Variants in AGBL1 observed in about 807,000 individuals in gnomAD.
AGBL1 encodes AGBL carboxypeptidase 1.
A neutral mutation model predicts 118.9 loss-of-function variants in AGBL1; 130 were observed. The observed-to-expected ratio is 1.09, with a 90% confidence interval of 0.95 to 1.26. AGBL1 has a LOEUF of 1.26. Ranked by LOEUF, AGBL1 falls within the 50% of genes most tolerant of loss-of-function variation. The probability of loss-of-function intolerance (pLI) is 0.00; values close to 1 mark genes in which losing one functional copy is unlikely to be tolerated. For synonymous variants in AGBL1, 555 were observed against 478.9 expected (o/e 1.16, Z -2.08); for missense variants, 1,584 against 1,298.1 (o/e 1.22, Z -3.38).
At chr15:86,329,660 C>A (rs1050000144) in intron 17 of AGBL1, among the ~76,000 whole-genome samples, 4 of 152,040 alleles carry the variant, frequency 2.6e-5, no homozygotes, top group Non-Finnish European at 5.9e-5. Flanking sequence ...CTCTGCATTC[C>A]AAGCCAAGAC....
At chr15:86,633,982 T>C (rs2142445369) in intron 21 of AGBL1, among the ~76,000 whole-genome samples, 1 of 151,618 alleles carries the variant, frequency 6.6e-6, no homozygotes, top group Non-Finnish European at 1.5e-5. Flanking sequence ...CAATCAAAAG[T>C]GTTTGGAATG....
chr15:87,018,258 G>A (rs2141796669), intron 24 of AGBL1, among the ~76,000 whole-genome samples: 1 of 152,200 alleles, frequency 6.6e-6, no homozygotes, highest in Admixed American at 6.5e-5. Flanking sequence ...TTCTGGACCT[G>A]CAGAGAATCC....
At chr15:86,871,136 A>C (rs2079722137) in intron 22 of AGBL1, among the ~76,000 whole-genome samples, 1 of 152,210 alleles carries the variant, frequency 6.6e-6, no homozygotes, top group African/African-American at 2.4e-5. Flanking sequence ...ACCAAATCAG[A>C]AAAGCCGTTG....
intron 21 of AGBL1, among the ~76,000 whole-genome samples, chr15:86,636,258 C>A (rs2085080906): frequency 6.6e-6 from 1 of 152,038 alleles, no homozygotes; most frequent in Non-Finnish European, 1.5e-5. Context: ...TTAGCAAGGG[C>A]CCATGAAACC....
rs948131187 is a variant in AGBL1, at chr15:86,913,116, A to G, written c.*5822A>G. The G allele has an allele frequency of 6.6e-6, 1 of 152,210 alleles. No homozygotes were observed. The highest frequency in any genetic ancestry group is 1.5e-5 in the Non-Finnish European group (1 of 68,046). The allele number at this position is 152,210 out of a possible 1,614,324, so 9.4% of individuals were successfully genotyped here. A position where few individuals can be genotyped will look rare whatever the true frequency, so the allele number is the denominator to read the frequency against. On this transcript the variant is annotated 3_prime_UTR_variant, in exon 23 of 23. Transcript: ENST00000614907. Reference sequence around the variant, plus strand: ...TAATAATAAAAAGATACAATTGCATATAACTTAAAATCATCTATTACACAC... The same window carrying G: ...TAATAATAAAAAGATACAATTGCATGTAACTTAAAATCATCTATTACACAC...
chr15:86,298,269 A>ATGGTAGC, intron 17 of AGBL1, among the ~76,000 whole-genome samples: 1 of 113,080 alleles, frequency 8.8e-6, no homozygotes, highest in Admixed American at 8.5e-5. Flanking sequence ...ATATATATAT[A>ATGGTAGC]TATATATATA....
intron 23 of AGBL1, among the ~76,000 whole-genome samples, chr15:86,952,482 C>A (rs1462458498): frequency 6.6e-6 from 1 of 152,034 alleles, no homozygotes; most frequent in Non-Finnish European, 1.5e-5. Context: ...AAACTGGTAT[C>A]TTGCTACTTG....
chr15:86,685,768 A>G (rs2086042966), intron 22 of AGBL1, among the ~76,000 whole-genome samples: 1 of 152,190 alleles, frequency 6.6e-6, no homozygotes, highest in African/African-American at 2.4e-5. Flanking sequence ...AATGTTGGTC[A>G]CTGAATCAAA....
At chr15:86,418,577 C>G (rs1361259853) in intron 18 of AGBL1, among the ~76,000 whole-genome samples, 1 of 152,184 alleles carries the variant, frequency 6.6e-6, no homozygotes, top group African/African-American at 2.4e-5. Flanking sequence ...CTGGTTTCAT[C>G]TGCCATTTTC....
At chr15:86,967,899 G>C (rs905582309) in intron 23 of AGBL1, among the ~76,000 whole-genome samples, 28 of 152,032 alleles carry the variant, frequency 1.8e-4, no homozygotes, top group African/African-American at 6.3e-4. Context: ...GGCATTGAAT[G>C]TATAAATTAC....
chr15:86,448,629 A>T (rs1879053709), intron 18 of AGBL1, among the ~76,000 whole-genome samples: 1 of 152,224 alleles, frequency 6.6e-6, no homozygotes, highest in African/African-American at 2.4e-5. Context: ...ATTAGAAGAA[A>T]GGAAGGTCCC....
chr15:86,203,298 G>A (rs1048888285), intron 5 of AGBL1, among the ~76,000 whole-genome samples: 2 of 152,102 alleles, frequency 1.3e-5, no homozygotes, highest in Admixed American at 1.3e-4. Flanking sequence ...ATTTTAAAAT[G>A]TTATGCTTAC....
At chr15:86,984,283 T>C (rs1413759587) in intron 23 of AGBL1, among the ~76,000 whole-genome samples, 1 of 152,222 alleles carries the variant, frequency 6.6e-6, no homozygotes, top group East Asian at 1.9e-4. Context: ...TATTGATCAT[T>C]CGTAGATCTT....
At chr15:86,623,439 A>C (rs2084841688) in intron 21 of AGBL1, among the ~76,000 whole-genome samples, 2 of 152,184 alleles carry the variant, frequency 1.3e-5, no homozygotes, top group Admixed American at 6.5e-5. Flanking sequence ...GGTTCTCCAG[A>C]CACTGGTACA....
intron 22 of AGBL1, among the ~76,000 whole-genome samples, chr15:86,824,231 G>A (rs961590949): frequency 6.6e-6 from 1 of 151,752 alleles, no homozygotes; most frequent in Non-Finnish European, 1.5e-5. Flanking sequence ...TAAGAAATGA[G>A]GTTATTAAGA....
intron 22 of AGBL1, among the ~76,000 whole-genome samples, chr15:86,772,014 G>A (rs1348364486): frequency 6.6e-6 from 1 of 151,982 alleles, no homozygotes; most frequent in Non-Finnish European, 1.5e-5. Context: ...ATTTGATGGG[G>A]CACTTATGAA....
In AGBL1 at chr15:86,810,955, T is replaced by C. The variant is rs962770407; in HGVS notation, c.3159-96132T>C. ...ACACAGAGGAGGAAGTGCTTCACTT[T>C]GCCAACAGTCCCAGAGGAAGCAACA... On this transcript the variant is annotated intron_variant, in intron 22 of 22. Transcript: ENST00000614907. 4.6e-5 allele frequency among the ~76,000 whole-genome samples: 7 copies of C among 152,186 alleles called. 1 individual carries two copies. Among genetic ancestry groups the C allele is most frequent in the African/African-American group, 1.7e-4 (7 of 41,466 alleles).
chr15:86,759,310 T>A (rs1315244094), intron 22 of AGBL1, among the ~76,000 whole-genome samples: 1 of 152,138 alleles, frequency 6.6e-6, no homozygotes, highest in East Asian at 1.9e-4. Flanking sequence ...GAGACTTTTT[T>A]AGATAAAATT....
At chr15:86,552,519 G>A (rs1187174253) in intron 20 of AGBL1, among the ~76,000 whole-genome samples, 2 of 152,138 alleles carry the variant, frequency 1.3e-5, no homozygotes, top group African/African-American at 4.8e-5. Flanking sequence ...TATTTGACCA[G>A]CCCCCCAGGG....
Sources: gnomAD v4.1 joint callset for allele counts (sites outside exome capture counted in the v4.1 genomes callset) on GRCh38, gnomAD v4.1.1 for gene constraint, MANE v1.5 for transcripts, NCBI Gene and HGNC (gene_info 2026-07-23, HGNC 2026-07-21) for gene names.